Variants in IPO11 observed in about 807,000 individuals in gnomAD.
The protein encoded by IPO11 is importin 11.
In IPO11, 66 loss-of-function variants were observed where a neutral mutation model predicts 143.2. The ratio of observed to expected loss-of-function variants is 0.46; its 90% confidence interval spans 0.38 to 0.57. The LOEUF is 0.57. IPO11 is among the 20% of genes least tolerant of loss of function. The pLI is 0.00. For synonymous variants in IPO11, 385 were observed against 377.8 expected (o/e 1.02, Z -0.22); for missense variants, 1,026 against 1,141.0 (o/e 0.90, Z 1.45).
chr5:62,618,830 C>G (rs999351365), intron 29 of IPO11, among the ~76,000 whole-genome samples: 1 of 152,038 alleles, frequency 6.6e-6, no homozygotes, highest in Non-Finnish European at 1.5e-5. Context: ...TTGCCTCCTT[C>G]CCCCCAAAAG....
intron 5 of IPO11, among the ~76,000 whole-genome samples, 169 bp downstream of exon 5, chr5:62,452,102 G>A (rs939495972): frequency 2.0e-5 from 3 of 151,952 alleles, no homozygotes; most frequent in African/African-American, 7.3e-5. Flanking sequence ...AAAATTAGCC[G>A]GGCGTGGTGG....
chr5:62,577,787 A>G (rs1011113713), intron 27 of IPO11, among the ~76,000 whole-genome samples: 5 of 152,122 alleles, frequency 3.3e-5, no homozygotes, highest in African/African-American at 1.2e-4. Flanking sequence ...AATTCATATT[A>G]TTTCTAAAGT....
intron 27 of IPO11, chr5:62,581,236 ATT>A (rs1255601059): frequency 6.5e-7 from 1 of 1,542,016 alleles, no homozygotes; most frequent in Non-Finnish European, 8.7e-7. Context: ...CTTGGAGCAG[ATT>A]CGACTTCATA....
chr5:62,510,882 G>A (rs983078107), intron 19 of IPO11, among the ~76,000 whole-genome samples: 8 of 151,948 alleles, frequency 5.3e-5, no homozygotes, highest in Non-Finnish European at 8.8e-5. Context: ...ACGGGTGCAC[G>A]CCACCATGCC....
At chr5:62,594,340 A>C (rs2112432797) in intron 28 of IPO11, among the ~76,000 whole-genome samples, 1 of 152,326 alleles carries the variant, frequency 6.6e-6, no homozygotes, top group East Asian at 1.9e-4. Context: ...CCAGTGTGGA[A>C]ATCACCAGTG....
chr5:62,533,473 A>G (rs1660519206), intron 22 of IPO11, among the ~76,000 whole-genome samples: 1 of 152,094 alleles, frequency 6.6e-6, no homozygotes, highest in Non-Finnish European at 1.5e-5. Context: ...TGGCCTCTCA[A>G]AGTGCTGGGA....
chr5:62,591,232 C>T (rs879733560), intron 27 of IPO11, among the ~76,000 whole-genome samples: 1 of 151,944 alleles, frequency 6.6e-6, no homozygotes, highest in Admixed American at 6.6e-5. Flanking sequence ...TTTTTCTTCA[C>T]AGTGTCATTA....
chr5:62,492,221 TTTA>T (rs1746639976), intron 15 of IPO11, among the ~76,000 whole-genome samples: 1 of 152,220 alleles, frequency 6.6e-6, no homozygotes, highest in Admixed American at 6.5e-5. Context: ...TTTCATATTC[TTTA>T]TCTGGAACAG....
intron 28 of IPO11, among the ~76,000 whole-genome samples, chr5:62,594,893 C>G (rs1050255276): frequency 6.6e-6 from 1 of 152,154 alleles, no homozygotes; most frequent in Non-Finnish European, 1.5e-5. Flanking sequence ...TTGGAGCCAA[C>G]TAGTTAAGTA....
At chr5:62,417,135 CT>C (rs913459136) in intron 1 of IPO11, among the ~76,000 whole-genome samples, 102 of 149,232 alleles carry the variant, frequency 6.8e-4, no homozygotes, top group African/African-American at 2.4e-3. Context: ...TTTTTTTCTC[CT>C]TTTTTTAAGA....
intron 28 of IPO11, among the ~76,000 whole-genome samples, chr5:62,601,039 C>G (rs1745488512): frequency 6.6e-6 from 1 of 152,186 alleles, no homozygotes. Flanking sequence ...TTCTTTGCCA[C>G]TGTTTATTGG....
intron 1 of IPO11, among the ~76,000 whole-genome samples, chr5:62,436,611 T>C (rs1460822603): frequency 6.6e-6 from 1 of 152,224 alleles, no homozygotes; most frequent in Non-Finnish European, 1.5e-5. Flanking sequence ...GTTGAATGGC[T>C]TCAGCTACAT....
chr5:62,463,072 C>T (rs1174458792), intron 5 of IPO11, among the ~76,000 whole-genome samples: 1 of 151,970 alleles, frequency 6.6e-6, no homozygotes, highest in African/African-American at 2.4e-5. Context: ...GAGACAGTGT[C>T]TCACTCTTGT....
intron 29 of IPO11, among the ~76,000 whole-genome samples, chr5:62,623,781 AT>A (rs758742645): frequency 6.0e-4 from 91 of 151,108 alleles, no homozygotes; most frequent in Middle Eastern, 3.5e-3. Context: ...TGGCCAGCTA[AT>A]TTTTTGTATT....
chr5:62,428,096 C>T (rs1178527028), intron 1 of IPO11, among the ~76,000 whole-genome samples: 5 of 152,202 alleles, frequency 3.3e-5, no homozygotes, highest in Non-Finnish European at 7.3e-5. Flanking sequence ...ATCTTTGGAA[C>T]CTTCTTGTCT....
rs1019279125 is a variant in IPO11 at position 62,586,612 on chromosome 5, A to G, written c.2583-4965A>G. On this transcript the variant is annotated intron_variant, in intron 27 of 29. Transcript: ENST00000325324. ...ACTAAAAATACAGAATTAGCTGAGC[A>G]TGGTGGCACATGCGTGTATTCCCAG... Among the ~76,000 whole-genome samples, 4 of 151,476 alleles carry G rather than the reference A, an allele frequency of 2.6e-5. No individual in the cohort carries two copies. In the South Asian group the frequency reaches 8.3e-4, roughly 32 times the overall value.
intron 7 of IPO11, 72 bp from the exon 8 acceptor site, chr5:62,474,344 A>G: frequency 3.3e-6 from 3 of 908,248 alleles, no homozygotes; most frequent in Non-Finnish European, 1.6e-6. Flanking sequence ...TTGTTTTGGT[A>G]TCCCTGAAAA....
intron 29 of IPO11, among the ~76,000 whole-genome samples, chr5:62,626,023 T>G (rs1368718978): frequency 6.6e-6 from 1 of 152,052 alleles, no homozygotes; most frequent in East Asian, 1.9e-4. Context: ...CATTTTTCTT[T>G]CCTCTTCTTT....
intron 1 of IPO11, among the ~76,000 whole-genome samples, chr5:62,435,898 G>T (rs1010349008): frequency 6.6e-6 from 1 of 151,766 alleles, no homozygotes; most frequent in Non-Finnish European, 1.5e-5. Context: ...GCTTGGTGGT[G>T]TGCGCCTGTA....
Sources: gnomAD v4.1 joint callset for allele counts (sites outside exome capture counted in the v4.1 genomes callset) on GRCh38, gnomAD v4.1.1 for gene constraint, MANE v1.5 for transcripts, NCBI Gene and HGNC (gene_info 2026-07-23, HGNC 2026-07-21) for gene names.